The following GPHN variants were observed in gnomAD, a reference collection of about 807,000 sequenced individuals.
GPHN encodes the protein gephyrin.
A neutral mutation model predicts 95.5 loss-of-function variants in GPHN; 17 were observed. That is an observed-to-expected ratio of 0.18 (90% CI 0.12 to 0.27). The LOEUF is 0.27. Among genes scored for constraint, GPHN ranks in the 10% least tolerant of loss-of-function variants. GPHN has a pLI of 1.00. For synonymous variants in GPHN, 320 were observed against 322.5 expected, an observed-to-expected ratio of 0.99 and a Z score of 0.08; for missense variants, 660 against 978.1, an observed-to-expected ratio of 0.67 and a Z score of 4.34.
At chr14:67,485,804 C>T in the GPHN span, among the ~76,000 whole-genome samples, 1 of 152,246 alleles carries the variant, frequency 6.6e-6, no homozygotes, top group East Asian at 1.9e-4. Context: ...GAGCCTCTCA[C>T]CCTACCTCGA....
chr14:67,384,143 A>G, the GPHN span: 2 of 152,472 alleles, frequency 1.3e-5, no homozygotes, highest in South Asian at 4.1e-4. Flanking sequence ...GTGTGAGAGA[A>G]TTTATCACAC....
At chr14:66,896,605 C>T (rs1251728154) in intron 5 of GPHN, among the ~76,000 whole-genome samples, 2 of 151,828 alleles carry the variant, frequency 1.3e-5, no homozygotes, top group Admixed American at 6.6e-5. Context: ...GTGAGACCCT[C>T]TCTTAAAAAA....
At chr14:67,298,730 A>G in the GPHN span, among the ~76,000 whole-genome samples, 1 of 152,192 alleles carries the variant, frequency 6.6e-6, no homozygotes, top group Non-Finnish European at 1.5e-5. Flanking sequence ...GTATTTTGAC[A>G]TATATGTACA....
At chr14:67,102,865 A>G (rs2077795431) in intron 13 of GPHN, among the ~76,000 whole-genome samples, 1 of 152,134 alleles carries the variant, frequency 6.6e-6, no homozygotes, top group Non-Finnish European at 1.5e-5. Flanking sequence ...TTAGCATCCA[A>G]AAATTGAGGA....
intron 16 of GPHN, among the ~76,000 whole-genome samples, chr14:67,121,886 C>T (rs1376687372): frequency 6.6e-6 from 1 of 152,080 alleles, no homozygotes; most frequent in Non-Finnish European, 1.5e-5. Flanking sequence ...CAATCTATAC[C>T]TCAAATATTC....
the GPHN span, chr14:67,292,553 C>G: frequency 6.2e-7 from 1 of 1,613,362 alleles, no homozygotes. Flanking sequence ...ATCCAACATA[C>G]TTTGGTAGAT....
the GPHN span, chr14:67,350,488 C>A: frequency 1.2e-5 from 9 of 734,282 alleles, no homozygotes; most frequent in Non-Finnish European, 1.9e-5. Context: ...AGAATTCTTT[C>A]TTATTATTAC....
chr14:67,190,068 AT>A, the GPHN span, among the ~76,000 whole-genome samples: 15,332 of 115,396 alleles, frequency 0.13, 909 homozygotes, highest in African/African-American at 0.24. Flanking sequence ...TGCCCAGCTA[AT>A]TTTTTTTTTT....
At chr14:67,636,252 T>C in the GPHN span, among the ~76,000 whole-genome samples, 1 of 151,422 alleles carries the variant, frequency 6.6e-6, no homozygotes, top group African/African-American at 2.4e-5. Context: ...TGGGATAGTC[T>C]TATGCTGTCA....
intron 4 of GPHN, among the ~76,000 whole-genome samples, chr14:66,829,973 G>A (rs2061525302): frequency 6.6e-6 from 1 of 152,104 alleles, no homozygotes; most frequent in Non-Finnish European, 1.5e-5. Context: ...TATTTGTGAG[G>A]TGAAAATTAT....
In GPHN at chr14:66,588,109, G is replaced by A. The variant is rs571783557; in HGVS notation, c.64+79518G>A. Among the ~76,000 whole-genome samples the A allele has an allele frequency of 2.4e-3, 368 of 152,176 alleles. 4 individuals are homozygous for A. The highest frequency in any genetic ancestry group is 8.4e-3 in the African/African-American group (347 of 41,522). On this transcript the variant is annotated intron_variant, in intron 1 of 22. Transcript: ENST00000478722. ...ACCTAGGCAAACAGGGTCTGGAGTG[G>A]ACCTCCAGCAAACTAGAGCAGACCT...
At chr14:66,824,121 T>C (rs564410870) in intron 3 of GPHN, among the ~76,000 whole-genome samples, 2 of 152,296 alleles carry the variant, frequency 1.3e-5, no homozygotes, top group Admixed American at 1.3e-4. Context: ...TTTTATGACA[T>C]GTAATTCTAA....
chr14:67,279,227 A>T, the GPHN span: 2 of 1,612,746 alleles, frequency 1.2e-6, no homozygotes, highest in Non-Finnish European at 1.7e-6. Context: ...GCGAAGTAAA[A>T]AATGTTGATC....
chr14:67,391,685 T>G, the GPHN span, among the ~76,000 whole-genome samples: 9 of 152,350 alleles, frequency 5.9e-5, no homozygotes, highest in African/African-American at 2.2e-4. Flanking sequence ...TCTGCTACAC[T>G]TCCTGGGCCA....
chr14:66,684,671 A>G (rs10134780), intron 2 of GPHN, among the ~76,000 whole-genome samples: 47,318 of 152,034 alleles, frequency 0.31, 11,193 homozygotes, highest in African/African-American at 0.64. Flanking sequence ...CATGGCAGAG[A>G]GATGCCATGG....
chr14:66,601,218 A>C (rs545201475), intron 1 of GPHN, among the ~76,000 whole-genome samples: 1 of 152,176 alleles, frequency 6.6e-6, no homozygotes, highest in East Asian at 1.9e-4. Context: ...GTTTTGCTCA[A>C]ATAACTAAAT....
chr14:67,576,014 G>T, the GPHN span: 1 of 1,602,722 alleles, frequency 6.2e-7, no homozygotes, highest in South Asian at 1.1e-5. The surrounding 1 kb of genome is among the most constrained non-coding windows in gnomAD (Gnocchi z 4.0). Context: ...AGGTAAGGAA[G>T]AGGGCTGGGC....
chr14:66,666,022 G>T (rs986657370), intron 1 of GPHN, among the ~76,000 whole-genome samples: 1 of 145,790 alleles, frequency 6.9e-6, no homozygotes, highest in African/African-American at 2.5e-5. Flanking sequence ...AACACCGCAT[G>T]TTCTCACTCA....
At chr14:66,546,282 C>T (rs1190382498) in intron 1 of GPHN, among the ~76,000 whole-genome samples, 1 of 151,228 alleles carries the variant, frequency 6.6e-6, no homozygotes, top group Non-Finnish European at 1.5e-5. Flanking sequence ...TCCTCACTTT[C>T]CAGACTGGGC....
Sources: allele counts gnomAD v4.1 joint callset (sites outside exome capture counted in the v4.1 genomes callset), GRCh38; gene constraint gnomAD v4.1.1; non-coding constraint Gnocchi (gnomAD v3.1); transcripts MANE v1.5; gene names NCBI Gene and HGNC (gene_info 2026-07-23, HGNC 2026-07-21).